Variants in UGT1A6 observed in about 807,000 individuals in gnomAD.
UGT1A6 encodes UDP glucuronosyltransferase family 1 member A6.
A neutral mutation model predicts 44.4 loss-of-function variants in UGT1A6; 32 were observed. The observed-to-expected ratio is 0.72, with a 90% CI of 0.54 to 0.97. The LOEUF (loss-of-function observed/expected upper bound fraction) is 0.97. UGT1A6 is among the 50% of genes least tolerant of loss of function. The pLI is 0.00. For missense variants in UGT1A6, 685 were observed against 661.9 expected, an observed-to-expected ratio of 1.03 and a Z score of -0.38; for synonymous variants, 238 against 248.5, an observed-to-expected ratio of 0.96 and a Z score of 0.40.
chr2:233,702,024 A>C (rs962229706), intron 1 of UGT1A6, among the ~76,000 whole-genome samples: 4 of 152,074 alleles, frequency 2.6e-5, no homozygotes, highest in East Asian at 1.9e-4. Flanking sequence ...TAGAGACACA[A>C]AAAAAAACCC....
intron 1 of UGT1A6, among the ~76,000 whole-genome samples, chr2:233,748,531 T>G (rs1693967271): frequency 6.6e-6 from 1 of 151,738 alleles, no homozygotes; most frequent in African/African-American, 2.4e-5. Flanking sequence ...GATAGAGAGG[T>G]GACCACAGGA....
chr2:233,692,608 C>T (rs1023315562), upstream of UGT1A6, among the ~76,000 whole-genome samples: 10 of 152,156 alleles, frequency 6.6e-5, no homozygotes, highest in Non-Finnish European at 1.3e-4. Flanking sequence ...GAAAAATTCC[C>T]GCACATCATG....
chr2:233,692,825 T>A, upstream of UGT1A6: 1 of 1,437,362 alleles, frequency 7.0e-7, no homozygotes, highest in South Asian at 1.5e-5. Flanking sequence ...ATTAACCATG[T>A]GATTAAAATG....
intron 1 of UGT1A6, among the ~76,000 whole-genome samples, chr2:233,715,912 C>G (rs2076476989): frequency 6.6e-6 from 1 of 152,186 alleles, no homozygotes; most frequent in African/African-American, 2.4e-5. Flanking sequence ...GTGGGAGGAT[C>G]ATTGAGCTCA....
intron 1 of UGT1A6, among the ~76,000 whole-genome samples, chr2:233,714,209 C>A (rs1186715903): frequency 6.6e-6 from 1 of 152,132 alleles, no homozygotes; most frequent in Non-Finnish European, 1.5e-5. Flanking sequence ...ACTGATCCAT[C>A]CAATCTTGCT....
intron 1 of UGT1A6, among the ~76,000 whole-genome samples, chr2:233,716,295 T>C (rs1461759627): frequency 1.3e-5 from 2 of 152,216 alleles, no homozygotes; most frequent in Non-Finnish European, 2.9e-5. Flanking sequence ...ATCACATCTA[T>C]AAAGTCTCTT....
intron 1 of UGT1A6, among the ~76,000 whole-genome samples, chr2:233,710,483 T>A (rs375891523): frequency 3.9e-5 from 6 of 152,358 alleles, no homozygotes; most frequent in South Asian, 4.1e-4. Flanking sequence ...AGAATTTCAT[T>A]GGGTTTGAAT....
chr2:233,727,949 G>C (rs1469801849), intron 1 of UGT1A6, among the ~76,000 whole-genome samples: 1 of 152,198 alleles, frequency 6.6e-6, no homozygotes, highest in African/African-American at 2.4e-5. Flanking sequence ...CAGACAGCCT[G>C]CCCACATCAT....
At position 233,748,031 on chromosome 2, in the gene UGT1A6, G is replaced by A. The variant is rs1285076078; in HGVS notation, c.862-19003G>A. On this transcript the variant is annotated intron_variant, in intron 1 of 4. Transcript: ENST00000305139. ...ACCCCAGGCCGATCATGCCCAACAT[G>A]GTCTTCATTGGGGGCATCAACTGTG... The A allele has an allele frequency of 3.1e-6, 5 of 1,613,428 alleles. No homozygotes were observed. The African/African-American group carries it at 6.7e-5, about 22-fold the overall frequency.
chr2:233,768,483 T>A (rs373208475), intron 4 of UGT1A6, 44 bp downstream of exon 4: 16 of 1,586,602 alleles, frequency 1.0e-5, no homozygotes, highest in Non-Finnish European at 1.4e-5. Flanking sequence ...ATGGCATTCA[T>A]GATAAAATTG....
chr2:233,712,900 G>A, intron 1 of UGT1A6: 1 of 1,608,716 alleles, frequency 6.2e-7, no homozygotes, highest in Non-Finnish European at 8.5e-7. Context: ...GATTTGCTAG[G>A]TGTCTCAGTG....
At chr2:233,705,239 T>C (rs1425135036) in intron 1 of UGT1A6, among the ~76,000 whole-genome samples, 1 of 152,242 alleles carries the variant, frequency 6.6e-6, no homozygotes, top group Non-Finnish European at 1.5e-5. Flanking sequence ...TTTTTCTGTA[T>C]GAATTCAGAT....
At chr2:233,729,824 G>T in intron 1 of UGT1A6, 1 of 1,613,884 alleles carries the variant, frequency 6.2e-7, no homozygotes, top group Non-Finnish European at 8.5e-7. Flanking sequence ...CCTTATGCAA[G>T]CCTTGCCTCT....
intron 1 of UGT1A6, among the ~76,000 whole-genome samples, chr2:233,706,536 GC>G: frequency 6.6e-6 from 1 of 152,322 alleles, no homozygotes; most frequent in African/African-American, 2.4e-5. Context: ...TAGAAACACA[GC>G]TTTTTTTCTA....
intron 1 of UGT1A6, among the ~76,000 whole-genome samples, chr2:233,694,872 C>G (rs2075245016): frequency 6.6e-6 from 1 of 152,168 alleles, no homozygotes; most frequent in Non-Finnish European, 1.5e-5. Context: ...TATAGTTGTA[C>G]ACATTTGGGG....
intron 1 of UGT1A6, chr2:233,728,998 G>C: frequency 6.4e-7 from 1 of 1,560,662 alleles, no homozygotes; most frequent in South Asian, 1.2e-5. Context: ...AACTAGAGGA[G>C]GGCACTCTGT....
intron 1 of UGT1A6, chr2:233,747,664 T>C (rs942017762): frequency 1.4e-5 from 23 of 1,600,812 alleles, no homozygotes; most frequent in South Asian, 1.4e-4. Flanking sequence ...GTGGTTTTAA[T>C]AGACCCAATT....
rs570797148 is a variant in UGT1A6, at chr2:233,754,249, G to A, written c.862-12785G>A. The A allele has an allele frequency of 1.1e-3, 192 of 168,812 alleles. 1 individual carries two copies. The South Asian group carries it at 0.012, about 11-fold the overall frequency. 10.5% of individuals were successfully genotyped at this position (168,812 alleles called of 1,614,324 possible). A position where few individuals can be genotyped will look rare whatever the true frequency, so the allele number is the denominator to read the frequency against. On this transcript the variant is annotated intron_variant, in intron 1 of 4. Coordinates refer to ENST00000305139, the MANE Select transcript of UGT1A6 (RefSeq NM_001072.4). ...ACCACCTGGCTCACACTTTCCCAAC[G>A]GAAAAAGGTAAGGCTCAAAGTGCTG...
At position 233,728,430 on chromosome 2, in the gene UGT1A6, A is replaced by G. The variant is rs531471868; in HGVS notation, c.861+34565A>G. Among the ~76,000 whole-genome samples, 89 of 152,228 alleles carry G rather than the reference A, an allele frequency of 5.8e-4. 1 individual carries two copies. The highest frequency in any genetic ancestry group is 2.0e-3 in the African/African-American group (84 of 41,542). ...TTTAGATAGCAGCACCTCTTCTTCC[A>G]TGGTGTATATGGAGAATCCTCAACA... On this transcript the variant is annotated intron_variant, in intron 1 of 4. Transcript: ENST00000305139.
Sources: allele counts gnomAD v4.1 joint callset (sites outside exome capture counted in the v4.1 genomes callset), GRCh38; gene constraint gnomAD v4.1.1; transcripts MANE v1.5; gene names NCBI Gene and HGNC (gene_info 2026-07-23, HGNC 2026-07-21).